The following STK32C variants were observed in gnomAD, a reference collection of about 807,000 sequenced individuals.
STK32C encodes serine/threonine kinase 32C.
Under a neutral mutation model 56.5 loss-of-function variants are expected in STK32C, and 31 were observed. The ratio of observed to expected loss-of-function variants is 0.55; its 90% CI spans 0.41 to 0.74. The LOEUF (loss-of-function observed/expected upper bound fraction) is 0.74, where lower values mean the gene tolerates loss of function less well. STK32C is among the 30% of genes least tolerant of loss of function. STK32C has a pLI of 0.00. For synonymous variants in STK32C, 309 were observed against 289.4 expected, an observed-to-expected ratio of 1.07 and a Z score of -0.69; for missense variants, 544 against 676.9, an observed-to-expected ratio of 0.80 and a Z score of 2.18.
chr10:132,309,168 G>C (rs760596291), upstream of STK32C, among the ~76,000 whole-genome samples: 1 of 152,130 alleles, frequency 6.6e-6, no homozygotes, highest in Non-Finnish European at 1.5e-5. Flanking sequence ...GCCACTGTGA[G>C]CCCTGCCTCC....
At chr10:132,271,786 AGGTGTG>A (rs1178802616) in intron 1 of STK32C, among the ~76,000 whole-genome samples, 1 of 152,162 alleles carries the variant, frequency 6.6e-6, no homozygotes, top group Non-Finnish European at 1.5e-5. Context: ...CAAAATTTCC[AGGTGTG>A]GGTGGGGATC....
At chr10:132,243,572 G>A (rs1368727568) in intron 2 of STK32C, among the ~76,000 whole-genome samples, 1 of 152,194 alleles carries the variant, frequency 6.6e-6, no homozygotes, top group African/African-American at 2.4e-5. Context: ...ACAGAACCGG[G>A]GGCACCATGT....
intron 1 of STK32C, among the ~76,000 whole-genome samples, chr10:132,287,044 A>G (rs2065425716): frequency 6.6e-6 from 1 of 152,262 alleles, no homozygotes; most frequent in Admixed American, 6.5e-5. Context: ...AATATAAGCA[A>G]TAGATTTCAT....
chr10:132,221,236 A>G (rs2062629756), intron 10 of STK32C, among the ~76,000 whole-genome samples: 1 of 150,684 alleles, frequency 6.6e-6, no homozygotes, highest in South Asian at 2.1e-4. Context: ...CACCTGGGCT[A>G]GTCTGAGGGC....
intron 1 of STK32C, among the ~76,000 whole-genome samples, chr10:132,298,739 G>A (rs1221947315): frequency 6.6e-6 from 1 of 152,074 alleles, no homozygotes. Context: ...CAGGCAGTGT[G>A]TGGGGAAGCT....
intron 1 of STK32C, among the ~76,000 whole-genome samples, chr10:132,280,216 C>G (rs1403457447): frequency 6.9e-6 from 1 of 145,922 alleles, no homozygotes; most frequent in African/African-American, 2.6e-5. Context: ...TCCCTGCACT[C>G]TGTGATCACG....
intron 2 of STK32C, among the ~76,000 whole-genome samples, chr10:132,242,500 C>T (rs535462880): frequency 5.9e-5 from 9 of 152,194 alleles, no homozygotes; most frequent in African/African-American, 1.9e-4. Context: ...CAGCACAGCC[C>T]CCCTGCAGTT....
chr10:132,224,541 G>T lies in STK32C; in HGVS notation c.877-18C>A. ...TAGGGCCTCTGGAGACAGGGAGGCA[G>T]TGCTGGGCAGGTCCTCCTGGCCCCC... On this transcript the variant is annotated intron_variant, in intron 7 of 11. Coordinates refer to ENST00000298630, the MANE Select transcript of STK32C (RefSeq NM_173575.4). 6.4e-7 allele frequency: 1 copy of T among 1,572,102 alleles called. No homozygotes were observed. Among genetic ancestry groups the T allele is most frequent in the Admixed American group, 1.8e-5 (1 of 56,344 alleles).
chr10:132,277,054 T>C (rs1426023966), intron 1 of STK32C, among the ~76,000 whole-genome samples: 1 of 152,204 alleles, frequency 6.6e-6, no homozygotes, highest in Non-Finnish European at 1.5e-5. Flanking sequence ...TGAATTGAAG[T>C]AAGGAAAGGC....
intron 1 of STK32C, among the ~76,000 whole-genome samples, chr10:132,315,066 G>A (rs556944454): frequency 6.6e-5 from 10 of 152,260 alleles, no homozygotes; most frequent in East Asian, 1.9e-4. Flanking sequence ...CCTAAGAGGC[G>A]GAAGTTGCGG....
chr10:132,208,309 A>G (rs1315050233), intron 11 of STK32C, among the ~76,000 whole-genome samples, 158 bp from the exon 12 acceptor site: 1 of 152,170 alleles, frequency 6.6e-6, no homozygotes, highest in African/African-American at 2.4e-5. Flanking sequence ...CTCCCGATAC[A>G]CTGGCAGGGA....
At chr10:132,295,900 T>C (rs2065730959) in intron 1 of STK32C, among the ~76,000 whole-genome samples, 1 of 151,330 alleles carries the variant, frequency 6.6e-6, no homozygotes, top group Non-Finnish European at 1.5e-5. Context: ...AAAAGAATTC[T>C]GAATGACGTA....
At chr10:132,242,912 T>C (rs896737410) in intron 2 of STK32C, among the ~76,000 whole-genome samples, 1 of 152,300 alleles carries the variant, frequency 6.6e-6, no homozygotes, top group Admixed American at 6.5e-5. Context: ...GAAAACGCTG[T>C]ACCCCCACCC....
chr10:132,226,696 G>A (rs1047151474), intron 4 of STK32C, 99 bp downstream of exon 4: 25 of 1,432,378 alleles, frequency 1.7e-5, no homozygotes, highest in African/African-American at 4.2e-5. Flanking sequence ...AGCTAGACCC[G>A]CTCTGAGGGA....
At chr10:132,302,765 G>A (rs768683065) in intron 1 of STK32C, among the ~76,000 whole-genome samples, 5 of 152,212 alleles carry the variant, frequency 3.3e-5, no homozygotes, top group South Asian at 2.1e-4. Context: ...AGGACAACCC[G>A]TCCATACCAA....
At chr10:132,248,461 G>A (rs1565107112) in intron 1 of STK32C, among the ~76,000 whole-genome samples, 1 of 152,236 alleles carries the variant, frequency 6.6e-6, no homozygotes, top group East Asian at 1.9e-4. Context: ...TCCGCTGGGC[G>A]GCTCTGGGTC....
At chr10:132,268,729 G>A (rs2064699635) in intron 1 of STK32C, among the ~76,000 whole-genome samples, 1 of 149,466 alleles carries the variant, frequency 6.7e-6, no homozygotes, top group South Asian at 2.1e-4. Flanking sequence ...GTGTGTGTCA[G>A]TGTGTGTGCA....
At chr10:132,330,443 C>A in intron 1 of STK32C, 1 of 717,240 alleles carries the variant, frequency 1.4e-6, no homozygotes, top group South Asian at 1.5e-5. Context: ...GGTGGCTGGC[C>A]TCCCCACGCT....
At chr10:132,279,635 C>T (rs975883594) in intron 1 of STK32C, among the ~76,000 whole-genome samples, 7 of 149,456 alleles carry the variant, frequency 4.7e-5, no homozygotes, top group Admixed American at 1.3e-4. Context: ...TGCCACTCCA[C>T]TCCCTGATCA....
Sources: allele counts gnomAD v4.1 joint callset (sites outside exome capture counted in the v4.1 genomes callset), GRCh38; gene constraint gnomAD v4.1.1; transcripts MANE v1.5; gene names NCBI Gene and HGNC (gene_info 2026-07-23, HGNC 2026-07-21).